The following QDPR variants were observed in gnomAD, a reference collection of about 807,000 sequenced individuals.
QDPR encodes quinoid dihydropteridine reductase, also known as dihydropteridine reductase.
In QDPR, 23 loss-of-function variants were observed where a neutral mutation model predicts 31.7. That is an observed-to-expected ratio of 0.73 (90% CI 0.52 to 1.03). The LOEUF (loss-of-function observed/expected upper bound fraction) is 1.03. Ranked by LOEUF, QDPR falls within the 50% of genes least tolerant of loss-of-function variation. The pLI is 0.00. For missense variants in QDPR, 324 were observed against 323.8 expected, an observed-to-expected ratio of 1.00 and a Z score of 0.00; for synonymous variants, 124 against 124.7, an observed-to-expected ratio of 0.99 and a Z score of 0.03.
Position 17,486,835 on chromosome 4 carries a change from G to A in QDPR, c.*296C>T. On this transcript the variant is annotated 3_prime_UTR_variant, in exon 7 of 7. Coordinates refer to ENST00000281243, the MANE Select transcript of QDPR (RefSeq NM_000320.3). ...AGCCACTGTCAAGGACAGATGAACA[G>A]TCACAAAAGCGATCCAACATGACAC... is the stretch of plus-strand genomic sequence containing the variant. 1 of 424,490 alleles carries A rather than the reference G, an allele frequency of 2.4e-6. No homozygotes were observed. Among genetic ancestry groups the A allele is most frequent in the Non-Finnish European group, 4.3e-6 (1 of 229,936 alleles). 26.3% of individuals were successfully genotyped at this position (424,490 alleles called of 1,614,324 possible).
At chr4:17,505,572 C>T (rs1272191210) in intron 2 of QDPR, among the ~76,000 whole-genome samples, 1 of 152,172 alleles carries the variant, frequency 6.6e-6, no homozygotes, top group African/African-American at 2.4e-5. Context: ...TTAAATCAGG[C>T]TGGGCACAGT....
intron 3 of QDPR, among the ~76,000 whole-genome samples, chr4:17,503,176 T>G (rs1319899877): frequency 6.6e-6 from 1 of 152,216 alleles, no homozygotes; most frequent in African/African-American, 2.4e-5. Flanking sequence ...ATGTGAGACA[T>G]GCTATATGAA....
chr4:17,511,473 C>T (rs558895053), intron 1 of QDPR, among the ~76,000 whole-genome samples: 2 of 152,230 alleles, frequency 1.3e-5, no homozygotes, highest in African/African-American at 4.8e-5. Context: ...TTATGTGCAA[C>T]GACACCAATT....
rs1364780551 is a variant in QDPR at position 17,492,232 on chromosome 4, G to A, written c.545C>T (p.Pro182Leu). 16 of 1,613,236 alleles carry A rather than the reference G, an allele frequency of 9.9e-6. No homozygotes were observed. Among genetic ancestry groups the A allele is most frequent in the Admixed American group, 1.7e-5 (1 of 59,988 alleles). ...PPGAAAIAVL[P>L]VTLDTPMNRK... ...CAGCCAGGGAACCCCAAGCACTTAC[G>A]GGAGCACAGCGATGGCGGCTGCCCC... is the stretch of plus-strand genomic sequence containing the variant. The change falls in exon 5 of 7, where the codon CCG (proline) becomes CTG (leucine). Residue 182 changes from proline to leucine, a missense_variant and splice_region_variant. Physicochemically the swap from Pro to Leu is moderately conservative, Grantham distance 98. Coordinates refer to ENST00000281243, the MANE Select transcript of QDPR (RefSeq NM_000320.3).
At chr4:17,488,493 CAG>C (rs1718049030) in intron 6 of QDPR, among the ~76,000 whole-genome samples, 1 of 152,050 alleles carries the variant, frequency 6.6e-6, no homozygotes, top group Admixed American at 6.6e-5. Flanking sequence ...AATACAGTAA[CAG>C]GGCCTTTCAC....
intron 1 of QDPR, among the ~76,000 whole-genome samples, chr4:17,511,603 C>A (rs1719010188): frequency 6.6e-6 from 1 of 152,152 alleles, no homozygotes; most frequent in Non-Finnish European, 1.5e-5. Flanking sequence ...CGGGACTGGG[C>A]TGTCTCATTC....
At chr4:17,495,825 A>G (rs1188847113) in intron 4 of QDPR, among the ~76,000 whole-genome samples, 1 of 151,648 alleles carries the variant, frequency 6.6e-6, no homozygotes, top group African/African-American at 2.4e-5. Flanking sequence ...CCTGGGCAAC[A>G]TGGTGAAACC....
chr4:17,501,627 G>C, intron 4 of QDPR, 92 bp downstream of exon 4: 1 of 1,454,590 alleles, frequency 6.9e-7, no homozygotes, highest in Non-Finnish European at 9.5e-7. Flanking sequence ...GAGGGTAAAG[G>C]CTTTAACAGT....
chr4:17,494,803 T>C (rs1435315413), intron 4 of QDPR, among the ~76,000 whole-genome samples: 3 of 152,256 alleles, frequency 2.0e-5, no homozygotes, highest in African/African-American at 7.2e-5. Flanking sequence ...ACTCCTGTTT[T>C]TCCAGCCACC....
At position 17,511,946 on chromosome 4, in the gene QDPR, T is replaced by C. The variant is rs1392662268; in HGVS notation, c.105+4A>G. On this transcript the variant is annotated splice_donor_region_variant and intron_variant, in intron 1 of 6. Coordinates refer to ENST00000281243, the MANE Select transcript of QDPR (RefSeq NM_000320.3). The stretch of plus-strand genomic sequence containing the variant: ...GACCCAGCAGCCCCAGCCCGCAGCA[T>C]TACCCAGTTGCGGGCCCGAAAAGCC... 1.9e-6 allele frequency: 3 copies of C among 1,608,296 alleles called. No homozygotes were observed. Among genetic ancestry groups the C allele is most frequent in the Non-Finnish European group, 8.5e-7 (1 of 1,177,954 alleles).
At chr4:17,503,797 A>G (rs1481537579) in intron 3 of QDPR, among the ~76,000 whole-genome samples, 1 of 152,082 alleles carries the variant, frequency 6.6e-6, no homozygotes, top group African/African-American at 2.4e-5. Flanking sequence ...TAAAAATACA[A>G]AAAATTAGCT....
At chr4:17,498,104 C>T (rs1392662303) in intron 4 of QDPR, among the ~76,000 whole-genome samples, 1 of 152,190 alleles carries the variant, frequency 6.6e-6, no homozygotes, top group East Asian at 1.9e-4. Flanking sequence ...TCACTGTAAA[C>T]TTCTCCACCT....
At chr4:17,500,199 C>T (rs1470202481) in intron 4 of QDPR, among the ~76,000 whole-genome samples, 2 of 152,142 alleles carry the variant, frequency 1.3e-5, no homozygotes, top group Non-Finnish European at 2.9e-5. Flanking sequence ...ATGATCCACC[C>T]GCCTTGGCCT....
rs1239473297 is a variant in QDPR at position 17,486,641 on chromosome 4, G to C, written c.*490C>G. The C allele has an allele frequency of 1.7e-5, 3 of 171,452 alleles. No homozygotes were observed. Among genetic ancestry groups the C allele is most frequent in the African/African-American group, 7.1e-5 (3 of 42,026 alleles). 10.6% of individuals were successfully genotyped at this position (171,452 alleles called of 1,614,324 possible). A position where few individuals can be genotyped will look rare whatever the true frequency, so the allele number is the denominator to read the frequency against. On this transcript the variant is annotated 3_prime_UTR_variant, in exon 7 of 7. Transcript: ENST00000281243. The stretch of plus-strand genomic sequence containing the variant: ...GACACGGGGCAACCACACAGGAAAA[G>C]GATACCAGGACAGAGTCCATGTAGT...
At chr4:17,491,175 T>C (rs1000017101) in intron 5 of QDPR, among the ~76,000 whole-genome samples, 3 of 152,236 alleles carry the variant, frequency 2.0e-5, no homozygotes, top group Non-Finnish European at 4.4e-5. Context: ...ATTTTAAATA[T>C]GTGGCTATTT....
intron 6 of QDPR, among the ~76,000 whole-genome samples, chr4:17,489,756 A>G (rs1450094145): frequency 6.6e-6 from 1 of 152,224 alleles, no homozygotes; most frequent in African/African-American, 2.4e-5. Flanking sequence ...CATTTCAAAC[A>G]TAAAACGCAA....
At position 17,501,878 on chromosome 4, in the gene QDPR, T is replaced by C; in HGVS notation, c.296-19A>G. Reference sequence around the variant, plus strand: ...AAGAGAGCTGAGTGAAAAAAACATGTGGGCTCAGCATTCCCAGGAAAGAAA... The same window carrying C: ...AAGAGAGCTGAGTGAAAAAAACATGCGGGCTCAGCATTCCCAGGAAAGAAA... On this transcript the variant is annotated intron_variant, in intron 3 of 6. Transcript: ENST00000281243. 1.2e-6 allele frequency: 2 copies of C among 1,613,908 alleles called. No homozygotes were observed. The highest frequency in any genetic ancestry group is 1.7e-6 in the Non-Finnish European group (2 of 1,179,964).
Position 17,511,966 on chromosome 4 carries a change from A to G in QDPR, c.89T>C (p.Phe30Ser). 2.5e-6 allele frequency: 4 copies of G among 1,610,760 alleles called. No homozygotes were observed. Among genetic ancestry groups the G allele is most frequent in the Non-Finnish European group, 3.4e-6 (4 of 1,179,014 alleles). Residue 30 changes from phenylalanine to serine, a missense_variant, in exon 1 of 7, where the codon TTT (phenylalanine) becomes TCT (serine). Transcript: ENST00000281243. ...CAGCATTACCCAGTTGCGGGCCCGA[A>G]AAGCCTGCACGCATCGAGAACCCAG... ...GALGSRCVQA[F>S]RARNWWVASV...
At position 17,486,483 on chromosome 4, in the gene QDPR, A is replaced by C. The variant is rs1396852295; in HGVS notation, c.*648T>G. ...AAGACCTCCAGCAATCCATGATTCTAGTATACTCATCTCTGACTGCTGTAT... is the reference window on the plus strand; with the variant it reads ...AAGACCTCCAGCAATCCATGATTCTCGTATACTCATCTCTGACTGCTGTAT... On this transcript the variant is annotated 3_prime_UTR_variant, in exon 7 of 7. Coordinates refer to ENST00000281243, the MANE Select transcript of QDPR (RefSeq NM_000320.3). 1.3e-5 allele frequency: 2 copies of C among 152,902 alleles called. No homozygotes were observed. Among genetic ancestry groups the C allele is most frequent in the Non-Finnish European group, 2.9e-5 (2 of 68,514 alleles). The allele number at this position is 152,902 out of a possible 1,614,324, so 9.5% of individuals were successfully genotyped here.
Sources: allele counts gnomAD v4.1 joint callset (sites outside exome capture counted in the v4.1 genomes callset), GRCh38; gene constraint gnomAD v4.1.1; transcripts MANE v1.5; gene names NCBI Gene and HGNC (gene_info 2026-07-23, HGNC 2026-07-21).